PECAM1: variants seen among roughly 807,000 people sequenced by gnomAD.
PECAM1 encodes platelet endothelial cell adhesion molecule.
A neutral mutation model predicts 13.8 loss-of-function variants in PECAM1; 8 were observed. That is an observed-to-expected ratio of 0.58 (90% confidence interval 0.34 to 1.05). The LOEUF (loss-of-function observed/expected upper bound fraction) is 1.05. PECAM1 is among the 50% of genes least tolerant of loss of function. The probability of loss-of-function intolerance (pLI) is 0.03; values close to 1 mark genes in which losing one functional copy is unlikely to be tolerated. For synonymous variants in PECAM1, 136 were observed against 52.6 expected (o/e 2.58, Z -6.86); for missense variants, 304 against 141.2 (o/e 2.15, Z -5.84).
Position 64,323,350 on chromosome 17 carries a change from G to C in PECAM1, c.*466C>G, listed in dbSNP as rs6809. 554,654 of 1,073,262 alleles carry C rather than the reference G, an allele frequency of 0.52. 144,967 individuals carry two copies. The highest frequency in any genetic ancestry group is 0.68 in the East Asian group (8,624 of 12,662). The allele number at this position is 1,073,262 out of a possible 1,614,324, so 66.5% of individuals were successfully genotyped here. A position where few individuals can be genotyped will look rare whatever the true frequency, so the allele number is the denominator to read the frequency against. ...GTGTATTTCCAAAGAACAAGGACTA[G>C]CCAAAACTACAAGCCTTTGAAGGAC... On this transcript the variant is annotated 3_prime_UTR_variant, in exon 16 of 16. Transcript: ENST00000563924.
At position 64,323,268 on chromosome 17, in the gene PECAM1, C is replaced by G; in HGVS notation, c.*548G>C. The G allele has an allele frequency of 1.0e-6, 1 of 992,412 alleles. No homozygotes were observed. The highest frequency in any genetic ancestry group is 1.2e-6 in the Non-Finnish European group (1 of 834,104). 61.5% of individuals were successfully genotyped at this position (992,412 alleles called of 1,614,324 possible). A position where few individuals can be genotyped will look rare whatever the true frequency, so the allele number is the denominator to read the frequency against. ...GGTGCTCCCAAGTAGTCTGGTTTTC[C>G]CATTTGTGGAGGGCGAGGTCATAGA... On this transcript the variant is annotated 3_prime_UTR_variant, in exon 16 of 16. Transcript: ENST00000563924.
rs2035843276 is a variant in PECAM1, at chr17:64,356,251, T to C, written c.1640A>G (p.Gln547Arg). 2.1e-6 allele frequency: 1 copy of C among 474,876 alleles called. No homozygotes were observed. The highest frequency in any genetic ancestry group is 6.7e-5 in the South Asian group (1 of 14,876). 29.4% of individuals were successfully genotyped at this position (474,876 alleles called of 1,614,324 possible). ...YREKEGKPFY[Q>R]MTSNATQAFW... ...TGCCTGGGTGGCATTTGAGGTCATTTGATAGAAGGGTTTGCCCTCTTTTTC... is the reference window on the plus strand; with the variant it reads ...TGCCTGGGTGGCATTTGAGGTCATTCGATAGAAGGGTTTGCCCTCTTTTTC... Residue 547 changes from glutamine (Q) to arginine (R), a missense_variant, in exon 8 of 16, where the codon CAA (glutamine) becomes CGA (arginine). Coordinates refer to ENST00000563924, the MANE Select transcript of PECAM1 (RefSeq NM_000442.5).
chr17:64,367,048 G>T (rs2036125736), intron 5 of PECAM1, among the ~76,000 whole-genome samples: 1 of 147,852 alleles, frequency 6.8e-6, no homozygotes, highest in African/African-American at 2.5e-5. Context: ...TTTGCAGCTT[G>T]TAATGCAGCA....
chr17:64,326,283 G>A (rs1158389642), intron 15 of PECAM1, among the ~76,000 whole-genome samples: 1 of 152,240 alleles, frequency 6.6e-6, no homozygotes, highest in African/African-American at 2.4e-5. Flanking sequence ...TGGAGATGGA[G>A]GATGACCCAG....
chr17:64,361,654 G>T (rs1021706174), intron 6 of PECAM1, among the ~76,000 whole-genome samples: 1 of 149,242 alleles, frequency 6.7e-6, no homozygotes, highest in Non-Finnish European at 1.5e-5. Flanking sequence ...TCGGGAGGCT[G>T]AGGCAGGAGA....
At chr17:64,341,096 C>CAA (rs147972145) in intron 14 of PECAM1, among the ~76,000 whole-genome samples, 53,905 of 115,450 alleles carry the variant, frequency 0.47, 12,401 homozygotes, top group Non-Finnish European at 0.53. Flanking sequence ...AACTCTGTCT[C>CAA]AAAAAAAAAA....
chr17:64,337,057 C>G (rs1157531777), intron 14 of PECAM1, among the ~76,000 whole-genome samples: 5 of 152,178 alleles, frequency 3.3e-5, no homozygotes, highest in Non-Finnish European at 7.4e-5. Context: ...CTGCAGGCTC[C>G]TCTCCTCAAG....
intron 4 of PECAM1, among the ~76,000 whole-genome samples, chr17:64,372,855 C>A (rs2036271729): frequency 6.6e-6 from 1 of 151,424 alleles, no homozygotes; most frequent in African/African-American, 2.4e-5. Context: ...GCGGCTCATG[C>A]CTGTAATCCC....
intron 7 of PECAM1, among the ~76,000 whole-genome samples, 151 bp downstream of exon 7, chr17:64,359,989 T>C (rs2035936037): frequency 6.6e-6 from 1 of 152,124 alleles, no homozygotes; most frequent in Admixed American, 6.5e-5. Flanking sequence ...CTGGCCTCAA[T>C]GATTCACCGG....
chr17:64,345,534 G>A (rs924999029), intron 13 of PECAM1, among the ~76,000 whole-genome samples: 3 of 151,884 alleles, frequency 2.0e-5, no homozygotes, highest in Non-Finnish European at 2.9e-5. Flanking sequence ...CCAACATGGT[G>A]AAACCCTGTC....
intron 2 of PECAM1, among the ~76,000 whole-genome samples, chr17:64,382,627 G>A (rs960670217): frequency 6.6e-6 from 1 of 151,818 alleles, no homozygotes; most frequent in South Asian, 2.1e-4. Flanking sequence ...CAATCATCCC[G>A]CCTCAGCCTC....
intron 14 of PECAM1, among the ~76,000 whole-genome samples, chr17:64,341,096 C>CAAAA (rs147972145): frequency 7.2e-4 from 83 of 116,004 alleles, no homozygotes; most frequent in African/African-American, 2.7e-3. Context: ...AACTCTGTCT[C>CAAAA]AAAAAAAAAA....
In PECAM1 at chr17:64,321,463, T is replaced by C. The variant is rs542976106; in HGVS notation, c.*2353A>G. 118 of 989,160 alleles carry C rather than the reference T, an allele frequency of 1.2e-4. No individual in the cohort carries two copies. The African/African-American group carries it at 2.0e-3, about 17-fold the overall frequency. The allele number at this position is 989,160 out of a possible 1,614,324, so 61.3% of individuals were successfully genotyped here. A position where few individuals can be genotyped will look rare whatever the true frequency, so the allele number is the denominator to read the frequency against. ...AGAAGGGAAAGTAATTTTAAACTCATGTGTGCTCCACAGGCCGGGGGCGGT... is the reference window on the plus strand; with the variant it reads ...AGAAGGGAAAGTAATTTTAAACTCACGTGTGCTCCACAGGCCGGGGGCGGT... On this transcript the variant is annotated 3_prime_UTR_variant, in exon 16 of 16. Coordinates refer to ENST00000563924, the MANE Select transcript of PECAM1 (RefSeq NM_000442.5).
chr17:64,381,615 G>A (rs1324933582), intron 2 of PECAM1, among the ~76,000 whole-genome samples: 1 of 152,096 alleles, frequency 6.6e-6, no homozygotes, highest in East Asian at 1.9e-4. Context: ...GCTATATTCT[G>A]AGCAATTAAT....
Position 64,363,365 on chromosome 17 carries a change from A to G in PECAM1, c.1000T>C (p.Phe334Leu), listed in dbSNP as rs2036030042. The part of the protein sequence containing the change: ...LFSKPELESS[F>L]THLDQGERLN... ...CTTTCACCTTGGTCCAGATGTGTGA[A>G]GGAAGATTCCAGTTCGGGCTTGGAA... Residue 334 changes from phenylalanine (F) to leucine (L), a missense_variant, in exon 6 of 16, where the codon TTC (phenylalanine) becomes CTC (leucine). Physicochemically the swap from Phe to Leu is conservative, Grantham distance 22. Transcript: ENST00000563924. The G allele has an allele frequency of 2.1e-6, 1 of 475,300 alleles. No homozygotes were observed. The highest frequency in any genetic ancestry group is 2.0e-5 in the African/African-American group (1 of 50,502). 29.4% of individuals were successfully genotyped at this position (475,300 alleles called of 1,614,324 possible). A position where few individuals can be genotyped will look rare whatever the true frequency, so the allele number is the denominator to read the frequency against.
chr17:64,345,501 T>C (rs2035540968), intron 13 of PECAM1, among the ~76,000 whole-genome samples: 2 of 151,768 alleles, frequency 1.3e-5, no homozygotes, highest in African/African-American at 2.4e-5. Flanking sequence ...TCACCTGAGG[T>C]CAGGAGTTGG....
intron 4 of PECAM1, among the ~76,000 whole-genome samples, chr17:64,373,570 GATATATAA>G (rs2036290314): frequency 6.6e-6 from 1 of 151,012 alleles, no homozygotes; most frequent in East Asian, 1.9e-4. Flanking sequence ...GTGTGTATAT[GATATATAA>G]ATATATGTAG....
At chr17:64,383,165 T>C (rs979681326) in intron 2 of PECAM1, among the ~76,000 whole-genome samples, 97 of 152,346 alleles carry the variant, frequency 6.4e-4, no homozygotes, top group Non-Finnish European at 5.1e-4. Flanking sequence ...TCTGCTCTCC[T>C]GTTTACTGAA....
chr17:64,386,403 C>CA (rs59994359), intron 2 of PECAM1, among the ~76,000 whole-genome samples: 47,941 of 112,738 alleles, frequency 0.43, 9,401 homozygotes, highest in East Asian at 0.6. Flanking sequence ...GAGACTCTGT[C>CA]AAAAAAAAAA....
Sources: gnomAD v4.1 joint callset for allele counts (sites outside exome capture counted in the v4.1 genomes callset) on GRCh38, gnomAD v4.1.1 for gene constraint, MANE v1.5 for transcripts, NCBI Gene and HGNC (gene_info 2026-07-23, HGNC 2026-07-21) for gene names.